ADAMTS3: variants seen among roughly 807,000 people sequenced by gnomAD.
ADAMTS3 encodes the protein ADAM metallopeptidase with thrombospondin type 1 motif 3.
A neutral mutation model predicts 129.0 loss-of-function variants in ADAMTS3; 73 were observed. That is an observed-to-expected ratio of 0.57 (90% CI 0.47 to 0.69). The LOEUF (loss-of-function observed/expected upper bound fraction) is 0.69, where lower values mean the gene tolerates loss of function less well. Ranked by LOEUF, ADAMTS3 falls within the 30% of genes least tolerant of loss-of-function variation. The pLI, the probability that ADAMTS3 is intolerant of heterozygous loss-of-function variation, is 0.00. For missense variants in ADAMTS3, 1,457 were observed against 1,514.5 expected (o/e 0.96, Z 0.63); for synonymous variants, 477 against 510.8 (o/e 0.93, Z 0.89).
At chr4:72,379,461 T>C (rs1272147675) in intron 4 of ADAMTS3, among the ~76,000 whole-genome samples, 1 of 151,286 alleles carries the variant, frequency 6.6e-6, no homozygotes, top group African/African-American at 2.4e-5. Flanking sequence ...AAACCCATTT[T>C]GGACTAGATA....
At chr4:72,319,743 G>T in intron 8 of ADAMTS3, 115 bp downstream of exon 8, 3 of 924,986 alleles carry the variant, frequency 3.2e-6, no homozygotes, top group Non-Finnish European at 5.0e-6. Flanking sequence ...TTCACACTTG[G>T]CAAAAGACAA....
At chr4:72,401,261 G>T (rs998875324) in intron 4 of ADAMTS3, among the ~76,000 whole-genome samples, 1 of 151,654 alleles carries the variant, frequency 6.6e-6, no homozygotes, top group Non-Finnish European at 1.5e-5. Flanking sequence ...AGCAGTAAAT[G>T]ATACTATGTG....
chr4:72,515,282 G>A (rs1483553086), intron 3 of ADAMTS3, among the ~76,000 whole-genome samples: 1 of 151,460 alleles, frequency 6.6e-6, no homozygotes, highest in Admixed American at 6.6e-5. Flanking sequence ...TGTGAATAGT[G>A]CCGCAATAAA....
chr4:72,466,292 C>T (rs1413793413), intron 3 of ADAMTS3, among the ~76,000 whole-genome samples: 2 of 151,938 alleles, frequency 1.3e-5, no homozygotes, highest in Non-Finnish European at 2.9e-5. Context: ...AGAGGGATAG[C>T]CTGTGTGAGA....
chr4:72,427,101 G>T (rs1434606028), intron 3 of ADAMTS3, among the ~76,000 whole-genome samples: 1 of 152,100 alleles, frequency 6.6e-6, no homozygotes, highest in Admixed American at 6.6e-5. Context: ...TCAGAAGGCT[G>T]ACTGGTGTCA....
intron 3 of ADAMTS3, among the ~76,000 whole-genome samples, chr4:72,538,248 A>T (rs1358435561): frequency 6.6e-6 from 1 of 152,248 alleles, no homozygotes; most frequent in African/African-American, 2.4e-5. Context: ...GAAAATTGCC[A>T]AATTTGATGA....
intron 3 of ADAMTS3, among the ~76,000 whole-genome samples, chr4:72,438,329 T>C (rs1009544922): frequency 2.6e-5 from 4 of 151,768 alleles, no homozygotes; most frequent in African/African-American, 9.7e-5. Context: ...CTTTTGTTCA[T>C]GTAGGCTACA....
chr4:72,346,316 T>C (rs1319332792), intron 4 of ADAMTS3, among the ~76,000 whole-genome samples: 3 of 152,190 alleles, frequency 2.0e-5, no homozygotes, highest in Non-Finnish European at 4.4e-5. Flanking sequence ...CCCACCTTGC[T>C]GAAATCTTTT....
At chr4:72,401,271 G>T (rs1721907245) in intron 4 of ADAMTS3, among the ~76,000 whole-genome samples, 1 of 151,640 alleles carries the variant, frequency 6.6e-6, no homozygotes, top group Non-Finnish European at 1.5e-5. Flanking sequence ...GATACTATGT[G>T]AAAATATGCT....
intron 3 of ADAMTS3, among the ~76,000 whole-genome samples, chr4:72,421,974 G>C (rs1722457303): frequency 6.6e-6 from 1 of 152,100 alleles, no homozygotes; most frequent in African/African-American, 2.4e-5. Flanking sequence ...GCATTCAACA[G>C]ATGTTTTGAG....
At chr4:72,441,009 A>C (rs1353387334) in intron 3 of ADAMTS3, among the ~76,000 whole-genome samples, 2 of 151,754 alleles carry the variant, frequency 1.3e-5, no homozygotes, top group South Asian at 2.1e-4. Context: ...CAGCAGTGAG[A>C]TCAAAATATA....
intron 11 of ADAMTS3, among the ~76,000 whole-genome samples, chr4:72,315,550 G>A (rs1719371195): frequency 6.6e-6 from 1 of 152,086 alleles, no homozygotes; most frequent in Non-Finnish European, 1.5e-5. Context: ...CTCCACTACA[G>A]CCTTTGGAGG....
At chr4:72,477,986 A>C (rs1381344830) in intron 3 of ADAMTS3, among the ~76,000 whole-genome samples, 1 of 152,150 alleles carries the variant, frequency 6.6e-6, no homozygotes, top group Non-Finnish European at 1.5e-5. Context: ...CCCAAGACTA[A>C]ACCAGGAAGA....
At chr4:72,465,941 G>A (rs1718907090) in intron 3 of ADAMTS3, among the ~76,000 whole-genome samples, 1 of 151,994 alleles carries the variant, frequency 6.6e-6, no homozygotes, top group African/African-American at 2.4e-5. Context: ...TTCAGCTTCT[G>A]CCATGATTGT....
chr4:72,311,570 T>C (rs897611642), intron 13 of ADAMTS3, among the ~76,000 whole-genome samples: 1 of 152,294 alleles, frequency 6.6e-6, no homozygotes, highest in Admixed American at 6.5e-5. Flanking sequence ...TCATCTAACA[T>C]AGTTTTTGCC....
At chr4:72,374,171 A>T (rs967496007) in intron 4 of ADAMTS3, among the ~76,000 whole-genome samples, 2 of 152,230 alleles carry the variant, frequency 1.3e-5, no homozygotes, top group South Asian at 4.1e-4. Context: ...AACATAAAAA[A>T]GTACACACTT....
intron 5 of ADAMTS3, among the ~76,000 whole-genome samples, chr4:72,326,998 C>T (rs1719716632): frequency 6.6e-6 from 1 of 152,000 alleles, no homozygotes; most frequent in Admixed American, 6.6e-5. Context: ...TATATTTACA[C>T]ATAAATGAAA....
At chr4:72,342,297 C>T (rs1720157335) in intron 4 of ADAMTS3, among the ~76,000 whole-genome samples, 1 of 150,722 alleles carries the variant, frequency 6.6e-6, no homozygotes, top group African/African-American at 2.4e-5. Flanking sequence ...AAGACACAGG[C>T]ATAATAAAAT....
At chr4:72,438,474 A>G (rs1718028308) in intron 3 of ADAMTS3, among the ~76,000 whole-genome samples, 1 of 151,778 alleles carries the variant, frequency 6.6e-6, no homozygotes, top group African/African-American at 2.4e-5. Context: ...GTTTTTCTAA[A>G]CCAAAAAAAT....
Sources: allele counts gnomAD v4.1 joint callset (sites outside exome capture counted in the v4.1 genomes callset), GRCh38; gene constraint gnomAD v4.1.1; transcripts MANE v1.5; gene names NCBI Gene and HGNC (gene_info 2026-07-23, HGNC 2026-07-21).